The following ANKRD30B variants were observed in gnomAD, a reference collection of about 807,000 sequenced individuals.
ANKRD30B encodes ankyrin repeat domain 30B.
In ANKRD30B, 144 loss-of-function variants were observed where a neutral mutation model predicts 202.2. That is an observed-to-expected ratio of 0.71 (90% confidence interval 0.62 to 0.82). The LOEUF (loss-of-function observed/expected upper bound fraction) is 0.82, where lower values mean the gene tolerates loss of function less well. Ranked by LOEUF, ANKRD30B falls within the 40% of genes least tolerant of loss-of-function variation. The pLI is 0.00. For missense variants in ANKRD30B, 1,487 were observed against 1,669.1 expected, an observed-to-expected ratio of 0.89 and a Z score of 1.90; for synonymous variants, 508 against 561.3, an observed-to-expected ratio of 0.91 and a Z score of 1.34.
chr18:14,785,430 A>G (rs190441619), intron 14 of ANKRD30B, among the ~76,000 whole-genome samples: 5 of 152,364 alleles, frequency 3.3e-5, no homozygotes, highest in Admixed American at 2.6e-4. Context: ...AGCATAGTTA[A>G]TTGCACAGTT....
At chr18:14,776,672 T>C (rs946013707) in intron 9 of ANKRD30B, among the ~76,000 whole-genome samples, 11 of 152,250 alleles carry the variant, frequency 7.2e-5, no homozygotes, top group Admixed American at 5.2e-4. Flanking sequence ...TGTTAGATGT[T>C]TCACGAACAC....
intron 9 of ANKRD30B, among the ~76,000 whole-genome samples, chr18:14,774,825 TAA>T (rs570906507): frequency 2.8e-5 from 4 of 140,532 alleles, no homozygotes; most frequent in Non-Finnish European, 3.1e-5. Flanking sequence ...TTATTTTAGC[TAA>T]AAAAAAAAAA....
chr18:14,801,477 A>G (rs1171175152), intron 22 of ANKRD30B, among the ~76,000 whole-genome samples: 1 of 139,666 alleles, frequency 7.2e-6, no homozygotes, highest in Non-Finnish European at 1.5e-5. Flanking sequence ...ATTTTATCCT[A>G]TAACATGTGG....
chr18:14,874,715 G>T, the ANKRD30B span, among the ~76,000 whole-genome samples: 1 of 152,306 alleles, frequency 6.6e-6, no homozygotes, highest in East Asian at 1.9e-4. Context: ...GGCAGAGCCT[G>T]GGTGTAGAAG....
At chr18:14,834,721 G>A (rs1169688109) in intron 34 of ANKRD30B, among the ~76,000 whole-genome samples, 2 of 151,830 alleles carry the variant, frequency 1.3e-5, no homozygotes, top group African/African-American at 4.8e-5. Context: ...TACTTAAGGT[G>A]ATTAATATCT....
At chr18:14,884,714 T>G in the ANKRD30B span, among the ~76,000 whole-genome samples, 1 of 152,052 alleles carries the variant, frequency 6.6e-6, no homozygotes, top group African/African-American at 2.4e-5. Flanking sequence ...TCTGGTTCCC[T>G]GAGAAGTGTA....
chr18:14,779,454 T>C (rs1967582531), intron 10 of ANKRD30B, among the ~76,000 whole-genome samples: 1 of 152,352 alleles, frequency 6.6e-6, no homozygotes, highest in South Asian at 2.1e-4. Context: ...TATACTGTCA[T>C]GGCATATTGA....
chr18:14,825,014 C>T (rs1364228036), intron 32 of ANKRD30B: 1 of 152,150 alleles, frequency 6.6e-6, no homozygotes, highest in East Asian at 1.9e-4. Context: ...TACCAAGTCT[C>T]CACTAGCTTT....
At chr18:14,784,145 A>C (rs1462403136) in intron 12 of ANKRD30B, among the ~76,000 whole-genome samples, 191 bp from the exon 13 acceptor site, 1 of 152,110 alleles carries the variant, frequency 6.6e-6, no homozygotes, top group Admixed American at 6.6e-5. Flanking sequence ...TATGAAACCT[A>C]TATTTATATT....
At chr18:14,909,686 C>T in the ANKRD30B span, among the ~76,000 whole-genome samples, 1 of 152,334 alleles carries the variant, frequency 6.6e-6, no homozygotes, top group Middle Eastern at 3.4e-3. Context: ...AGATTACAGG[C>T]ATGAGTCACT....
At position 14,757,767 on chromosome 18, in the gene ANKRD30B, A is replaced by ATAT. The variant is rs1452854703; in HGVS notation, c.618-45_618-43dup. The ATAT allele has an allele frequency of 3.2e-6, 5 of 1,586,624 alleles. No individual in the cohort carries two copies. In the Admixed American group the frequency reaches 8.7e-5, roughly 28 times the overall value. On this transcript the variant is annotated intron_variant, in intron 4 of 43. Coordinates refer to ENST00000690538, the MANE Select transcript of ANKRD30B (RefSeq NM_001367607.2). ...TGGTTAATTCTACACTGATAGGCACATATTAAATTGATTCTGCTCATAATA... is the reference window on the plus strand; with the variant it reads ...TGGTTAATTCTACACTGATAGGCACATATTATTAAATTGATTCTGCTCATAATA...
intron 16 of ANKRD30B, among the ~76,000 whole-genome samples, chr18:14,791,848 A>C (rs1025906962): frequency 6.6e-6 from 1 of 152,198 alleles, no homozygotes; most frequent in Non-Finnish European, 1.5e-5. Flanking sequence ...GGATGGTAAA[A>C]TGAAATGATT....
chr18:14,784,556 A>G (rs774237059), intron 14 of ANKRD30B, 21 bp downstream of exon 14: 1 of 1,598,334 alleles, frequency 6.3e-7, no homozygotes, highest in East Asian at 2.2e-5. Context: ...CAATTTAACT[A>G]TGCAAAGATG....
the ANKRD30B span, among the ~76,000 whole-genome samples, chr18:14,886,898 A>G: frequency 1.3e-5 from 2 of 152,118 alleles, no homozygotes; most frequent in Non-Finnish European, 1.5e-5. Flanking sequence ...TCCCAGGAGT[A>G]TATCTGAGGA....
intron 16 of ANKRD30B, among the ~76,000 whole-genome samples, chr18:14,791,706 C>G (rs1226860622): frequency 4.6e-5 from 7 of 151,814 alleles, no homozygotes; most frequent in Non-Finnish European, 1.0e-4. Context: ...AGTTTGAATT[C>G]AAGGTATTCC....
intron 39 of ANKRD30B, among the ~76,000 whole-genome samples, chr18:14,843,534 G>A (rs1349190696): frequency 4.3e-5 from 6 of 140,978 alleles, no homozygotes; most frequent in Non-Finnish European, 9.1e-5. Flanking sequence ...GAAATCTGTT[G>A]TTCTGATTAG....
intron 15 of ANKRD30B, among the ~76,000 whole-genome samples, chr18:14,788,950 G>T (rs1436275793): frequency 3.3e-5 from 5 of 152,230 alleles, no homozygotes; most frequent in Admixed American, 6.5e-5. Flanking sequence ...TCTAGTTCTA[G>T]ATCCCTGAGG....
downstream of ANKRD30B, among the ~76,000 whole-genome samples, chr18:14,854,832 AACACACACACACACACACACACAC>A (rs56259305): frequency 9.7e-5 from 13 of 134,104 alleles, no homozygotes; most frequent in African/African-American, 3.6e-4. Context: ...ACTATCCACG[AACACACACACACACACACACACAC>A]ACACACACAC....
intron 32 of ANKRD30B, among the ~76,000 whole-genome samples, chr18:14,826,673 T>TC (rs751436169): frequency 0.024 from 2,879 of 120,000 alleles, 36 homozygotes; most frequent in Middle Eastern, 0.038. Flanking sequence ...TCTCTCTCTC[T>TC]CCCCCTCTCT....
Sources: allele counts gnomAD v4.1 joint callset (sites outside exome capture counted in the v4.1 genomes callset), GRCh38; gene constraint gnomAD v4.1.1; transcripts MANE v1.5; gene names NCBI Gene and HGNC (gene_info 2026-07-23, HGNC 2026-07-21).